Variants in EPB41L4A observed in about 807,000 individuals in gnomAD.
EPB41L4A encodes erythrocyte membrane protein band 4.1 like 4A.
In EPB41L4A, 100 loss-of-function variants were observed where a neutral mutation model predicts 108.6. The observed-to-expected ratio is 0.92, with a 90% CI of 0.78 to 1.09. EPB41L4A has a LOEUF of 1.09. EPB41L4A is among the 50% of genes least tolerant of loss of function. The probability of loss-of-function intolerance (pLI) is 0.00; values close to 1 mark genes in which losing one functional copy is unlikely to be tolerated. For synonymous variants in EPB41L4A, 319 were observed against 289.0 expected (o/e 1.10, Z -1.05); for missense variants, 1,030 against 842.7 (o/e 1.22, Z -2.75).
chr5:112,159,901 CTTTTTTT>C (rs540095907), downstream of EPB41L4A, among the ~76,000 whole-genome samples: 7 of 130,370 alleles, frequency 5.4e-5, no homozygotes, highest in East Asian at 4.4e-4. Flanking sequence ...TTTCTTTTTA[CTTTTTTT>C]TTTTTTTTTT....
intron 1 of EPB41L4A, among the ~76,000 whole-genome samples, chr5:112,314,536 A>AAAAAG (rs1755294072): frequency 7.0e-5 from 8 of 113,582 alleles, no homozygotes; most frequent in African/African-American, 2.7e-4. Flanking sequence ...AAAAAAAAAA[A>AAAAAG]AAGAAAAGAA....
chr5:112,320,521 AG>A (rs1755706189), intron 1 of EPB41L4A, among the ~76,000 whole-genome samples: 1 of 152,202 alleles, frequency 6.6e-6, no homozygotes, highest in Admixed American at 6.5e-5. Flanking sequence ...ACAGTGGGGC[AG>A]GGGATTGGCT....
chr5:112,251,051 C>T (rs566565037), intron 9 of EPB41L4A, among the ~76,000 whole-genome samples: 4 of 152,294 alleles, frequency 2.6e-5, no homozygotes, highest in Non-Finnish European at 5.9e-5. Flanking sequence ...CAGTCCATCA[C>T]GAAATCTGAA....
At chr5:112,239,604 C>T in intron 11 of EPB41L4A, 56 bp downstream of exon 11, 1 of 1,112,722 alleles carries the variant, frequency 9.0e-7, no homozygotes, top group Non-Finnish European at 1.3e-6. Context: ...TGTATGACAG[C>T]TGAATTAAGT....
chr5:112,168,196 C>G (rs10463627), intron 22 of EPB41L4A, among the ~76,000 whole-genome samples: 7,904 of 152,254 alleles, frequency 0.052, 333 homozygotes, highest in Admixed American at 0.13. Context: ...CTACAGTGTT[C>G]CCCTGATTAT....
intron 4 of EPB41L4A, among the ~76,000 whole-genome samples, chr5:112,271,992 C>T (rs1042142335): frequency 1.3e-5 from 2 of 152,086 alleles, no homozygotes; most frequent in Non-Finnish European, 1.5e-5. Context: ...ATTCTATTAA[C>T]GTACATTTTT....
intron 12 of EPB41L4A, among the ~76,000 whole-genome samples, chr5:112,231,169 G>C (rs1323714857): frequency 6.6e-6 from 1 of 152,090 alleles, no homozygotes; most frequent in Non-Finnish European, 1.5e-5. Flanking sequence ...TTAAAGATTG[G>C]TTGAATTGTC....
At chr5:112,213,538 G>A (rs1315363757) in intron 12 of EPB41L4A, among the ~76,000 whole-genome samples, 1 of 151,992 alleles carries the variant, frequency 6.6e-6, no homozygotes. Context: ...TAGTAGAGAT[G>A]GGGTTTCACC....
At chr5:112,414,935 G>T (rs17134503) in intron 1 of EPB41L4A, among the ~76,000 whole-genome samples, 8,415 of 152,024 alleles carry the variant, frequency 0.055, 722 homozygotes, top group African/African-American at 0.18. Flanking sequence ...TGAATCTTAC[G>T]TTTGTGTGTG....
chr5:112,184,403 AACTTATTTTAAACAT>A (rs937471816), intron 17 of EPB41L4A, among the ~76,000 whole-genome samples: 9 of 152,206 alleles, frequency 5.9e-5, no homozygotes, highest in Admixed American at 2.6e-4. Context: ...ATGTATCAAA[AACTTATTTTAAACAT>A]TTCTAAGTTT....
chr5:112,148,682 T>C (rs6898536), intron 12 of EPB41L4A, among the ~76,000 whole-genome samples: 2 of 152,118 alleles, frequency 1.3e-5, no homozygotes, highest in Non-Finnish European at 2.9e-5. Context: ...AGTAAGTTTT[T>C]TTTACAATAA....
chr5:112,319,347 T>C (rs1755622874), intron 1 of EPB41L4A, among the ~76,000 whole-genome samples: 3 of 152,032 alleles, frequency 2.0e-5, no homozygotes, highest in Admixed American at 2.0e-4. Context: ...CATGTGTGAA[T>C]AAATAAAAAG....
chr5:112,196,760 ATTACAC>A (rs1471893510), intron 15 of EPB41L4A: 3 of 152,272 alleles, frequency 2.0e-5, no homozygotes, highest in Non-Finnish European at 4.4e-5. Flanking sequence ...AAAGCGGTGT[ATTACAC>A]TACAAATCCA....
intron 20 of EPB41L4A, chr5:112,170,048 C>T (rs1168724516): frequency 4.7e-6 from 2 of 422,776 alleles, no homozygotes; most frequent in Admixed American, 9.1e-5. Flanking sequence ...TATTTTAAAA[C>T]TGACATTAAT....
Position 112,418,964 on chromosome 5 carries a change from T to A in EPB41L4A, c.76A>T (p.Thr26Ser). 1 of 1,613,016 alleles carries A rather than the reference T, an allele frequency of 6.2e-7. No homozygotes were observed. The highest frequency in any genetic ancestry group is 8.5e-7 in the Non-Finnish European group (1 of 1,179,530). The change falls in exon 1 of 23, where the codon ACC becomes TCC. Residue 26 changes from threonine to serine, a missense_variant. Thr to Ser is a moderately conservative substitution (Grantham distance 58). Coordinates refer to ENST00000261486, the MANE Select transcript of EPB41L4A (RefSeq NM_022140.5). The part of the protein sequence containing the change: ...LLLDESKLTL[T>S]TQQQGIKKST... ...ACCTTGATGCCCTGCTGCTGGGTGG[T>A]AAGGGTTAACTTGGATTCATCCAGG...
At chr5:112,200,756 G>A (rs745852985) in intron 15 of EPB41L4A, among the ~76,000 whole-genome samples, 24 of 152,152 alleles carry the variant, frequency 1.6e-4, no homozygotes, top group Non-Finnish European at 3.1e-4. Flanking sequence ...ATGTTTATAT[G>A]TATTTAAATA....
intron 1 of EPB41L4A, among the ~76,000 whole-genome samples, chr5:112,355,026 A>G (rs564939313): frequency 1.2e-4 from 19 of 152,174 alleles, no homozygotes; most frequent in Non-Finnish European, 2.8e-4. Context: ...ATAGGACCAG[A>G]AAAAGGCAGG....
At chr5:112,403,879 C>G (rs960091351) in intron 1 of EPB41L4A, among the ~76,000 whole-genome samples, 1 of 152,126 alleles carries the variant, frequency 6.6e-6, no homozygotes, top group African/African-American at 2.4e-5. Flanking sequence ...GACTATTCTA[C>G]TGGAAATACA....
chr5:112,211,828 C>T (rs897987174), intron 12 of EPB41L4A, among the ~76,000 whole-genome samples: 5 of 152,184 alleles, frequency 3.3e-5, no homozygotes, highest in African/African-American at 1.2e-4. Flanking sequence ...AAAACTGTTA[C>T]TCTAAGGCAT....
Sources: gnomAD v4.1 joint callset for allele counts (sites outside exome capture counted in the v4.1 genomes callset) on GRCh38, gnomAD v4.1.1 for gene constraint, MANE v1.5 for transcripts, NCBI Gene and HGNC (gene_info 2026-07-23, HGNC 2026-07-21) for gene names.